Variants in EYS observed in about 807,000 individuals in gnomAD.
EYS encodes the protein EGF-like photoreceptor maintenance factor, also known as protein eyes shut homolog.
Under a neutral mutation model 282.1 loss-of-function variants are expected in EYS, and 250 were observed. The observed-to-expected ratio is 0.89, with a 90% confidence interval of 0.80 to 0.98. EYS has a LOEUF of 0.98. EYS is among the 50% of genes least tolerant of loss of function. The pLI is 0.00. For missense variants in EYS, 4,016 were observed against 3,709.0 expected (o/e 1.08, Z -2.15); for synonymous variants, 1,355 against 1,282.9 (o/e 1.06, Z -1.20).
chr6:64,724,256 A>G (rs1225854593), intron 22 of EYS, among the ~76,000 whole-genome samples: 1 of 152,168 alleles, frequency 6.6e-6, no homozygotes, highest in African/African-American at 2.4e-5. Flanking sequence ...GTGTTGTGTT[A>G]TATTTCTTTT....
chr6:63,733,832 C>A (rs1247955814), intron 41 of EYS, among the ~76,000 whole-genome samples: 1 of 152,030 alleles, frequency 6.6e-6, no homozygotes, highest in African/African-American at 2.4e-5. Flanking sequence ...GCTTTTTGCT[C>A]CAAATGAAGA....
Position 64,774,306 on chromosome 6 carries a change from G to C in EYS, c.3443+39072C>G, listed in dbSNP as rs142208462. Among the ~76,000 whole-genome samples, 3 of 151,928 alleles carry C rather than the reference G, an allele frequency of 2.0e-5. No homozygotes were observed. In the East Asian group the frequency reaches 5.8e-4, roughly 29 times the overall value. ...TCTTCTTTTACGGAATAAGGAAGGG[G>C]AAACAGCAGGAAAATGTTAACATAA... On this transcript the variant is annotated intron_variant, in intron 22 of 42. Coordinates refer to ENST00000503581, the MANE Select transcript of EYS (RefSeq NM_001142800.2).
chr6:64,261,925 T>C (rs1241072136), intron 30 of EYS, among the ~76,000 whole-genome samples: 1 of 151,922 alleles, frequency 6.6e-6, no homozygotes, highest in Non-Finnish European at 1.5e-5. Flanking sequence ...ATGGCTAATT[T>C]TCATATATTT....
chr6:63,761,623 A>C (rs967140612), intron 41 of EYS, among the ~76,000 whole-genome samples: 10 of 152,022 alleles, frequency 6.6e-5, no homozygotes, highest in Non-Finnish European at 1.2e-4. Flanking sequence ...ATATAGCACA[A>C]TTGGTGATTG....
intron 31 of EYS, among the ~76,000 whole-genome samples, chr6:64,198,614 A>T (rs1207610160): frequency 6.6e-6 from 1 of 151,990 alleles, no homozygotes; most frequent in Non-Finnish European, 1.5e-5. Context: ...GCTGAGAATG[A>T]TGGTTCCCAG....
rs116801494 is a variant in EYS at position 63,943,902 on chromosome 6, T to C, written c.7055+40481A>G. Among the ~76,000 whole-genome samples, 134 of 152,268 alleles carry C rather than the reference T, an allele frequency of 8.8e-4. 1 individual carries two copies. The highest frequency in any genetic ancestry group is 3.1e-3 in the African/African-American group (130 of 41,558). On this transcript the variant is annotated intron_variant, in intron 35 of 42. Coordinates refer to ENST00000503581, the MANE Select transcript of EYS (RefSeq NM_001142800.2). The stretch of plus-strand genomic sequence containing the variant: ...GTTAATAATAATATTCAATAAGAGG[T>C]TTTCCTAACATTTGATAAGTGGATG...
At chr6:63,820,936 T>C (rs573681246) in intron 36 of EYS, among the ~76,000 whole-genome samples, 1 of 152,274 alleles carries the variant, frequency 6.6e-6, no homozygotes, top group Admixed American at 6.5e-5. Flanking sequence ...GTTGTTGTTA[T>C]ACATATTATT....
chr6:65,191,948 C>CT (rs60578566), intron 12 of EYS, among the ~76,000 whole-genome samples: 1,534 of 146,038 alleles, frequency 0.011, 20 homozygotes, highest in African/African-American at 0.034. Flanking sequence ...TTCATTTGTA[C>CT]TTTTTTTTTT....
chr6:63,744,091 A>G (rs1048087682), intron 41 of EYS: 1 of 152,218 alleles, frequency 6.6e-6, no homozygotes, highest in Non-Finnish European at 1.5e-5. Flanking sequence ...AACTATAAAA[A>G]TACTTGGATT....
chr6:64,380,690 T>G (rs2150419519), intron 29 of EYS, among the ~76,000 whole-genome samples: 1 of 152,298 alleles, frequency 6.6e-6, no homozygotes, highest in South Asian at 2.1e-4. Flanking sequence ...CAAATAATTT[T>G]AGCACTGATT....
chr6:63,771,538 G>A (rs138032783), intron 40 of EYS, among the ~76,000 whole-genome samples: 1 of 152,114 alleles, frequency 6.6e-6, no homozygotes, highest in Non-Finnish European at 1.5e-5. Context: ...TCTGTGATAT[G>A]GAATACACAG....
intron 35 of EYS, among the ~76,000 whole-genome samples, chr6:63,890,156 A>G (rs1773371255): frequency 6.7e-6 from 1 of 150,342 alleles, no homozygotes. Flanking sequence ...TTCCCACACA[A>G]TAATAGCCCA....
At position 64,674,753 on chromosome 6, in the gene EYS, C is replaced by CAT. The variant is rs1554191817; in HGVS notation, c.3444-48509_3444-48508insAT. ...TAACACACACACACACACACACACA[C>CAT]GCATATATACATACACACACACACA... is the stretch of plus-strand genomic sequence containing the variant. On this transcript the variant is annotated intron_variant, in intron 22 of 42. Coordinates refer to ENST00000503581, the MANE Select transcript of EYS (RefSeq NM_001142800.2). Among the ~76,000 whole-genome samples, 23 of 147,758 alleles carry CAT rather than the reference C, an allele frequency of 1.6e-4. No homozygotes were observed. In the East Asian group the frequency reaches 2.1e-3, roughly 14 times the overall value.
At chr6:65,130,726 T>A (rs1013559000) in intron 12 of EYS, among the ~76,000 whole-genome samples, 3 of 149,614 alleles carry the variant, frequency 2.0e-5, no homozygotes, top group African/African-American at 7.4e-5. Flanking sequence ...GGTGATAAAA[T>A]AGTCTGTACA....
At chr6:64,278,166 T>C (rs2150360439) in intron 30 of EYS, among the ~76,000 whole-genome samples, 1 of 152,270 alleles carries the variant, frequency 6.6e-6, no homozygotes, top group East Asian at 1.9e-4. Context: ...CTCAAGTCTT[T>C]AAACAGAACC....
In EYS at chr6:65,334,874, A is replaced by G. The variant is rs61109372; in HGVS notation, c.1766+106T>C. 0.032 allele frequency: 33,143 copies of G among 1,050,822 alleles called. 1,161 individuals are homozygous for G. The highest frequency in any genetic ancestry group is 0.16 in the African/African-American group (10,155 of 63,334). The allele number at this position is 1,050,822 out of a possible 1,614,324, so 65.1% of individuals were successfully genotyped here. A position where few individuals can be genotyped will look rare whatever the true frequency, so the allele number is the denominator to read the frequency against. ...AGTGTTTGTTATGGAAATTCCAATC[A>G]TTTTAATCAACAAAAACATTGTTAC... On this transcript the variant is annotated intron_variant, in intron 11 of 42. Transcript: ENST00000503581.
At chr6:64,151,321 A>ATT (rs1554212614) in intron 31 of EYS, among the ~76,000 whole-genome samples, 7 of 49,288 alleles carry the variant, frequency 1.4e-4, no homozygotes, top group East Asian at 5.7e-4. Context: ...GTATATTTAT[A>ATT]TATATATATA....
chr6:63,963,490 T>C (rs1766171655), intron 35 of EYS, among the ~76,000 whole-genome samples: 1 of 152,196 alleles, frequency 6.6e-6, no homozygotes, highest in African/African-American at 2.4e-5. Context: ...AAGTTGGTGG[T>C]ATGTGGCTTC....
intron 35 of EYS, among the ~76,000 whole-genome samples, chr6:63,890,660 A>G (rs988013277): frequency 6.6e-6 from 1 of 152,230 alleles, no homozygotes; most frequent in Admixed American, 6.5e-5. Flanking sequence ...TCTAAAATCG[A>G]CACCCTAACA....
Sources: gnomAD v4.1 joint callset for allele counts (sites outside exome capture counted in the v4.1 genomes callset) on GRCh38, gnomAD v4.1.1 for gene constraint, MANE v1.5 for transcripts, NCBI Gene and HGNC (gene_info 2026-07-23, HGNC 2026-07-21) for gene names.